The following CNTLN variants were observed in gnomAD, a reference collection of about 807,000 sequenced individuals.
CNTLN encodes the protein centlein, centrosomal protein.
CNTLN carries 212 observed loss-of-function variants against 180.0 expected under a neutral mutation model. The observed-to-expected ratio is 1.18, with a 90% CI of 1.05 to 1.32. The LOEUF (loss-of-function observed/expected upper bound fraction) is 1.32, where lower values mean the gene tolerates loss of function less well. Among genes scored for constraint, CNTLN ranks in the 40% most tolerant of loss-of-function variants. The probability of loss-of-function intolerance (pLI) is 0.00; values close to 1 mark genes in which losing one functional copy is unlikely to be tolerated. For synonymous variants in CNTLN, 722 were observed against 563.1 expected (o/e 1.28, Z -3.99); for missense variants, 2,095 against 1,610.9 (o/e 1.30, Z -5.14).
chr9:17,399,839 C>T (rs1321091335), intron 15 of CNTLN, among the ~76,000 whole-genome samples: 1 of 152,164 alleles, frequency 6.6e-6, no homozygotes, highest in African/African-American at 2.4e-5. Flanking sequence ...GACAGAGGAA[C>T]ACCAAGATGA....
intron 15 of CNTLN, among the ~76,000 whole-genome samples, chr9:17,399,792 C>T (rs1826826525): frequency 6.6e-6 from 1 of 152,162 alleles, no homozygotes; most frequent in African/African-American, 2.4e-5. Context: ...GAGGTGGCTT[C>T]CTTATACCAG....
intron 13 of CNTLN, among the ~76,000 whole-genome samples, chr9:17,371,769 C>A (rs1237712846): frequency 6.6e-6 from 1 of 152,030 alleles, no homozygotes; most frequent in African/African-American, 2.4e-5. Flanking sequence ...AAGCATCTTA[C>A]CTGACAACAA....
chr9:17,182,226 G>C (rs1821168377), intron 2 of CNTLN, among the ~76,000 whole-genome samples: 1 of 150,726 alleles, frequency 6.6e-6, no homozygotes, highest in South Asian at 2.1e-4. Flanking sequence ...AAAGTTTTTT[G>C]TTTACTAGCC....
At chr9:17,252,095 T>C (rs935814786) in intron 5 of CNTLN, among the ~76,000 whole-genome samples, 8 of 151,884 alleles carry the variant, frequency 5.3e-5, no homozygotes, top group Non-Finnish European at 1.2e-4. Flanking sequence ...TAGTATTCCA[T>C]TATTTATATA....
intron 18 of CNTLN, among the ~76,000 whole-genome samples, chr9:17,420,634 G>A (rs556641840): frequency 6.6e-6 from 1 of 151,774 alleles, no homozygotes; most frequent in Non-Finnish European, 1.5e-5. Context: ...AGTTCTTCAA[G>A]ATGCATCATT....
At chr9:17,446,915 A>T (rs530717880) in intron 18 of CNTLN, among the ~76,000 whole-genome samples, 3 of 152,358 alleles carry the variant, frequency 2.0e-5, no homozygotes, top group South Asian at 4.1e-4. Flanking sequence ...AGCAGTCTTC[A>T]TGAGACTTCT....
the CNTLN span, among the ~76,000 whole-genome samples, chr9:17,511,651 C>T: frequency 7.5e-6 from 1 of 132,918 alleles, no homozygotes; most frequent in Non-Finnish European, 1.5e-5. Context: ...CTCTCTCTCA[C>T]ACACACACAC....
intron 5 of CNTLN, among the ~76,000 whole-genome samples, chr9:17,266,731 G>A (rs924472491): frequency 1.3e-5 from 2 of 152,242 alleles, no homozygotes; most frequent in East Asian, 1.9e-4. Context: ...CCTGTATTGG[G>A]TGCATATATA....
chr9:17,299,316 A>T, intron 7 of CNTLN: 1 of 258,092 alleles, frequency 3.9e-6, no homozygotes, highest in Non-Finnish European at 6.1e-6. Flanking sequence ...AAATTATTTT[A>T]ATAAATAATG....
intron 6 of CNTLN, among the ~76,000 whole-genome samples, chr9:17,294,885 GGGGGAGT>G (rs1351504414): frequency 1.4e-4 from 12 of 86,126 alleles, no homozygotes; most frequent in South Asian, 6.2e-4. Flanking sequence ...GTGGGGGGAG[GGGGGAGT>G]GGGGAGTGGG....
chr9:17,347,733 C>T (rs555752585), intron 12 of CNTLN, among the ~76,000 whole-genome samples: 14 of 151,574 alleles, frequency 9.2e-5, no homozygotes, highest in Admixed American at 3.3e-4. Context: ...ATGTAAACTA[C>T]CAGACATCAT....
chr9:17,165,339 G>C (rs1246957509), intron 2 of CNTLN, among the ~76,000 whole-genome samples: 3 of 152,118 alleles, frequency 2.0e-5, no homozygotes, highest in Non-Finnish European at 4.4e-5. Flanking sequence ...ATGACTAGTA[G>C]AGTTTTAAAA....
At chr9:17,298,694 T>C (rs1020628873) in intron 7 of CNTLN, 2 of 1,000,870 alleles carry the variant, frequency 2.0e-6, no homozygotes, top group Non-Finnish European at 2.4e-6. Flanking sequence ...CAAGAAATTA[T>C]TTTGTCAAGT....
At position 17,284,447 on chromosome 9, in the gene CNTLN, G is replaced by C. The variant is rs565523749; in HGVS notation, c.983+10581G>C. Among the ~76,000 whole-genome samples the C allele has an allele frequency of 4.6e-5, 7 of 152,074 alleles. No individual in the cohort carries two copies. In the East Asian group the frequency reaches 1.4e-3, roughly 30 times the overall value. On this transcript the variant is annotated intron_variant, in intron 6 of 25. Transcript: ENST00000380647. ...TACTGCCCCTTCAGAACTTGTTATT[G>C]GTCTATTCAGGGATTTAGCTTCTCC...
At chr9:17,292,610 T>G (rs999198309) in intron 6 of CNTLN, among the ~76,000 whole-genome samples, 1 of 152,298 alleles carries the variant, frequency 6.6e-6, no homozygotes, top group Non-Finnish European at 1.5e-5. Context: ...ATACTTATGG[T>G]TGCATTGTGA....
At chr9:17,422,387 T>A (rs1828782814) in intron 18 of CNTLN, among the ~76,000 whole-genome samples, 1 of 152,126 alleles carries the variant, frequency 6.6e-6, no homozygotes, top group Admixed American at 6.6e-5. Context: ...CTTATTTGGT[T>A]TAATTCTATC....
intron 2 of CNTLN, among the ~76,000 whole-genome samples, chr9:17,184,521 C>T (rs1222178013): frequency 6.6e-6 from 1 of 151,510 alleles, no homozygotes; most frequent in Non-Finnish European, 1.5e-5. Context: ...AAACCAGACA[C>T]TCTTTCACTT....
At chr9:17,323,366 T>C (rs1820050904) in intron 8 of CNTLN, among the ~76,000 whole-genome samples, 3 of 152,222 alleles carry the variant, frequency 2.0e-5, no homozygotes. Flanking sequence ...ATTTGTTTTG[T>C]GGCATAAATG....
rs142408353 is a variant in CNTLN at position 17,322,751 on chromosome 9, T to G, written c.1342-7881T>G. On this transcript the variant is annotated intron_variant, in intron 8 of 25. Coordinates refer to ENST00000380647, the MANE Select transcript of CNTLN (RefSeq NM_017738.4). ...AGCTGCCTTTCCACAGAAAAATTTC[T>G]CATGGAGTAAAGAGTATTTTTTGTT... is the stretch of plus-strand genomic sequence containing the variant. Among the ~76,000 whole-genome samples the G allele has an allele frequency of 3.9e-3, 594 of 152,248 alleles. 2 individuals carry two copies. The highest frequency in any genetic ancestry group is 0.013 in the African/African-American group (529 of 41,490).
Sources: allele counts gnomAD v4.1 joint callset (sites outside exome capture counted in the v4.1 genomes callset), GRCh38; gene constraint gnomAD v4.1.1; transcripts MANE v1.5; gene names NCBI Gene and HGNC (gene_info 2026-07-23, HGNC 2026-07-21).